TMX4: variants seen among roughly 807,000 people sequenced by gnomAD.
TMX4 encodes the protein thioredoxin related transmembrane protein 4.
TMX4 carries 23 observed loss-of-function variants against 33.3 expected under a neutral mutation model. That is an observed-to-expected ratio of 0.69 (90% CI 0.50 to 0.98). The LOEUF is 0.98. Among genes scored for constraint, TMX4 ranks in the 50% least tolerant of loss-of-function variants. TMX4 has a pLI of 0.00. For synonymous variants in TMX4, 164 were observed against 161.5 expected, an observed-to-expected ratio of 1.02 and a Z score of -0.12; for missense variants, 399 against 448.9, an observed-to-expected ratio of 0.89 and a Z score of 1.01.
chr20:7,996,621 C>A (rs896378336), intron 4 of TMX4, among the ~76,000 whole-genome samples: 19 of 152,118 alleles, frequency 1.2e-4, no homozygotes, highest in Non-Finnish European at 2.5e-4. Flanking sequence ...CTTGTTATGA[C>A]AGGAAAAGTC....
chr20:8,005,254 C>A (rs2050724008), intron 2 of TMX4, among the ~76,000 whole-genome samples: 1 of 152,152 alleles, frequency 6.6e-6, no homozygotes, highest in African/African-American at 2.4e-5. Context: ...AGCTCATCTG[C>A]ATGGAACAGA....
At chr20:8,016,657 C>A (rs2050776660) in intron 1 of TMX4, among the ~76,000 whole-genome samples, 1 of 151,996 alleles carries the variant, frequency 6.6e-6, no homozygotes, top group Non-Finnish European at 1.5e-5. Flanking sequence ...ATTATCTATA[C>A]CAATATAACC....
At position 7,983,789 on chromosome 20, in the gene TMX4, C is replaced by T. The variant is rs2050619055; in HGVS notation, c.679+5G>A. On this transcript the variant is annotated splice_donor_5th_base_variant and intron_variant, in intron 7 of 7. Transcript: ENST00000246024. ...CTCTAGATCACAGGAGCTTATCGTACTTACCAGAACGCTCAGATAAATGCC... is the reference window on the plus strand; with the variant it reads ...CTCTAGATCACAGGAGCTTATCGTATTTACCAGAACGCTCAGATAAATGCC... 6.2e-7 allele frequency: 1 copy of T among 1,612,842 alleles called. No homozygotes were observed. The highest frequency in any genetic ancestry group is 1.3e-5 in the African/African-American group (1 of 74,818).
At chr20:7,992,816 T>A (rs2050660661) in intron 5 of TMX4, among the ~76,000 whole-genome samples, 1 of 152,234 alleles carries the variant, frequency 6.6e-6, no homozygotes, top group African/African-American at 2.4e-5. Context: ...TCTAGATATA[T>A]CTCTGATCTT....
intron 2 of TMX4, among the ~76,000 whole-genome samples, chr20:8,009,553 T>G (rs1328994267): frequency 6.6e-6 from 1 of 152,132 alleles, no homozygotes; most frequent in East Asian, 1.9e-4. Context: ...CTAATGGTGA[T>G]AGCATATCCC....
At chr20:8,018,594 C>G (rs1219565654) in intron 1 of TMX4, among the ~76,000 whole-genome samples, 1 of 151,488 alleles carries the variant, frequency 6.6e-6, no homozygotes, top group Non-Finnish European at 1.5e-5. Context: ...CACTGCAAGC[C>G]TCTTTCAAAT....
chr20:7,993,751 G>A (rs552046803), intron 5 of TMX4, among the ~76,000 whole-genome samples: 3 of 151,918 alleles, frequency 2.0e-5, no homozygotes, highest in African/African-American at 4.8e-5. Flanking sequence ...ATGGAGGGCA[G>A]TATCAGATTT....
At chr20:8,012,018 T>A (rs1312497020) in intron 1 of TMX4, among the ~76,000 whole-genome samples, 3 of 152,114 alleles carry the variant, frequency 2.0e-5, no homozygotes, top group African/African-American at 7.2e-5. Flanking sequence ...AAAATCATAT[T>A]CTTCATCTGA....
Position 7,982,099 on chromosome 20 carries a change from G to T in TMX4, c.*152C>A. On this transcript the variant is annotated 3_prime_UTR_variant, in exon 8 of 8. Coordinates refer to ENST00000246024, the MANE Select transcript of TMX4 (RefSeq NM_021156.4). ...CTGGAAGACTCTCCTTAGTATACAT[G>T]AGGCTTACTGCCATGAGACCAAATG... 6.8e-6 allele frequency: 5 copies of T among 733,814 alleles called. No homozygotes were observed. Among genetic ancestry groups the T allele is most frequent in the Non-Finnish European group, 1.1e-5 (5 of 458,722 alleles). The allele number at this position is 733,814 out of a possible 1,614,324, so 45.5% of individuals were successfully genotyped here. A position where few individuals can be genotyped will look rare whatever the true frequency, so the allele number is the denominator to read the frequency against.
At chr20:8,012,614 T>C (rs2050757514) in intron 1 of TMX4, among the ~76,000 whole-genome samples, 1 of 151,128 alleles carries the variant, frequency 6.6e-6, no homozygotes, top group African/African-American at 2.4e-5. Flanking sequence ...TAATATAATA[T>C]AATGAACTTC....
chr20:7,987,205 C>T, intron 6 of TMX4, 83 bp downstream of exon 6: 2 of 994,252 alleles, frequency 2.0e-6, no homozygotes, highest in Non-Finnish European at 3.0e-6. Context: ...TTTTTATGTG[C>T]TTTTTCTTTC....
intron 5 of TMX4, 30 bp downstream of exon 5, chr20:7,995,996 A>G (rs562179907): frequency 7.1e-6 from 11 of 1,558,602 alleles, no homozygotes; most frequent in Non-Finnish European, 9.7e-6. Flanking sequence ...CCTCTCTGCA[A>G]ATATAAACGT....
intron 3 of TMX4, among the ~76,000 whole-genome samples, chr20:8,000,886 T>C (rs117202238): frequency 0.014 from 2,079 of 152,298 alleles, 54 homozygotes; most frequent in East Asian, 0.064. Flanking sequence ...CTTATTTTAA[T>C]GGCTCCTAAT....
chr20:7,987,228 T>C, intron 6 of TMX4, 60 bp downstream of exon 6: 2 of 1,195,544 alleles, frequency 1.7e-6, no homozygotes, highest in Non-Finnish European at 2.4e-6. Flanking sequence ...GGCTGCCTTT[T>C]ATTTGTACAT....
chr20:8,018,482 GAGAGAGA>G (rs2050792142), intron 1 of TMX4, among the ~76,000 whole-genome samples: 1 of 10,106 alleles, frequency 9.9e-5, no homozygotes, highest in Non-Finnish European at 1.9e-4. Flanking sequence ...GAGGGAGGGG[GAGAGAGA>G]GAGAGAGAGA....
At chr20:8,017,913 GATTT>G (rs1260688016) in intron 1 of TMX4, among the ~76,000 whole-genome samples, 5 of 152,050 alleles carry the variant, frequency 3.3e-5, no homozygotes, top group African/African-American at 1.2e-4. Flanking sequence ...TAATTTCATT[GATTT>G]ATTATGATAC....
At chr20:7,985,257 GTATATA>G (rs200269653) in intron 6 of TMX4, among the ~76,000 whole-genome samples, 3 of 130,816 alleles carry the variant, frequency 2.3e-5, no homozygotes, top group African/African-American at 5.7e-5. Flanking sequence ...GTGTGTGTGT[GTATATA>G]TATATATATA....
At chr20:7,983,881 CA>C (rs1334374636) in intron 6 of TMX4, 24 bp from the exon 7 acceptor site, 1 of 1,592,314 alleles carries the variant, frequency 6.3e-7, no homozygotes, top group Non-Finnish European at 8.6e-7. Flanking sequence ...AGTGATTTTA[CA>C]GTGAATAGAT....
intron 1 of TMX4, among the ~76,000 whole-genome samples, chr20:8,015,534 A>G (rs1182373209): frequency 3.3e-5 from 5 of 152,172 alleles, no homozygotes; most frequent in African/African-American, 1.2e-4. Context: ...CTTATACTAC[A>G]TATTTCCTTC....
Sources: allele counts gnomAD v4.1 joint callset (sites outside exome capture counted in the v4.1 genomes callset), GRCh38; gene constraint gnomAD v4.1.1; transcripts MANE v1.5; gene names NCBI Gene and HGNC (gene_info 2026-07-23, HGNC 2026-07-21).